The following ACSS1 variants were observed in gnomAD, a reference collection of about 807,000 sequenced individuals.
ACSS1 encodes acyl-CoA synthetase short chain family member 1.
Under a neutral mutation model 75.3 loss-of-function variants are expected in ACSS1, and 42 were observed. The observed-to-expected ratio is 0.56, with a 90% CI of 0.44 to 0.72. The LOEUF is 0.72. Ranked by LOEUF, ACSS1 falls within the 30% of genes least tolerant of loss-of-function variation. ACSS1 has a pLI of 0.00. For synonymous variants in ACSS1, 380 were observed against 376.8 expected (o/e 1.01, Z -0.10); for missense variants, 782 against 935.7 (o/e 0.84, Z 2.14).
At chr20:25,014,356 A>T (rs1262411161) in intron 8 of ACSS1, among the ~76,000 whole-genome samples, 1 of 152,182 alleles carries the variant, frequency 6.6e-6, no homozygotes, top group Non-Finnish European at 1.5e-5. Context: ...GGCAGAGCCC[A>T]CCCACTTGCA....
chr20:25,032,406 C>G (rs1453916985), intron 2 of ACSS1: 9 of 1,405,000 alleles, frequency 6.4e-6, no homozygotes, highest in East Asian at 2.7e-5. Context: ...TGGAAGCGAT[C>G]CCAAGGTTGT....
intron 6 of ACSS1, 118 bp from the exon 7 acceptor site, chr20:25,020,265 G>A: frequency 7.1e-7 from 1 of 1,414,220 alleles, no homozygotes; most frequent in Non-Finnish European, 9.7e-7. Flanking sequence ...ATGTCCATAT[G>A]AAAGGGATCC....
At chr20:25,056,354 T>G (rs1403940094) in intron 1 of ACSS1, among the ~76,000 whole-genome samples, 3 of 152,122 alleles carry the variant, frequency 2.0e-5, no homozygotes, top group African/African-American at 7.2e-5. Context: ...TTTTTCCCAC[T>G]AGTTCAAGGG....
chr20:25,039,734 T>C (rs1457405815), intron 2 of ACSS1, among the ~76,000 whole-genome samples: 4 of 152,256 alleles, frequency 2.6e-5, no homozygotes, highest in Admixed American at 1.3e-4. Context: ...GAAAGCCTTG[T>C]AGGACTAAAG....
chr20:25,048,021 G>A, intron 2 of ACSS1, 64 bp downstream of exon 2: 1 of 1,472,142 alleles, frequency 6.8e-7, no homozygotes, highest in Non-Finnish European at 9.4e-7. Flanking sequence ...CTGACAGCCA[G>A]ACTCAGCACA....
intron 3 of ACSS1, among the ~76,000 whole-genome samples, chr20:25,028,475 A>G (rs1211689977): frequency 6.6e-6 from 1 of 152,214 alleles, no homozygotes; most frequent in Non-Finnish European, 1.5e-5. Flanking sequence ...ATATATGGTC[A>G]AATTATTTTC....
intron 2 of ACSS1, among the ~76,000 whole-genome samples, chr20:25,034,759 G>A (rs987637439): frequency 6.6e-6 from 1 of 151,906 alleles, no homozygotes; most frequent in Admixed American, 6.6e-5. Context: ...GTAGAGACGG[G>A]GTTTCTCCAT....
intron 1 of ACSS1, among the ~76,000 whole-genome samples, chr20:25,057,142 A>T (rs1234470327): frequency 1.3e-5 from 2 of 152,050 alleles, no homozygotes; most frequent in East Asian, 3.9e-4. Flanking sequence ...GCCGAGAACG[A>T]GAACGGGGAG....
Position 25,013,704 on chromosome 20 carries a change from G to T in ACSS1, c.1453-42C>A, listed in dbSNP as rs776431370. 10 of 1,564,724 alleles carry T rather than the reference G, an allele frequency of 6.4e-6. No homozygotes were observed. The Middle Eastern group carries it at 6.0e-4, about 94-fold the overall frequency. ...TGCAAGTGAGACAGGGCAGGCTCTG[G>T]GTGAGAAGTGTGCCAAAAAATGACA... On this transcript the variant is annotated intron_variant, in intron 9 of 13. Transcript: ENST00000323482.
In ACSS1 at chr20:25,007,684, A is replaced by G; in HGVS notation, c.*78T>C. 4 of 1,559,296 alleles carry G rather than the reference A, an allele frequency of 2.6e-6. No individual in the cohort carries two copies. The South Asian group carries it at 4.9e-5, about 19-fold the overall frequency. The stretch of plus-strand genomic sequence containing the variant: ...GCTTCTGGGACGTAGGAAGACGCCA[A>G]CCTCAGGGGTACCTTCTGGGAAGGA... On this transcript the variant is annotated 3_prime_UTR_variant, in exon 14 of 14. Coordinates refer to ENST00000323482, the MANE Select transcript of ACSS1 (RefSeq NM_032501.4).
chr20:25,014,826 C>T (rs2088486931), intron 8 of ACSS1, among the ~76,000 whole-genome samples: 1 of 152,218 alleles, frequency 6.6e-6, no homozygotes, highest in South Asian at 2.1e-4. Flanking sequence ...CTGCTGCACA[C>T]CAGGCCTTGG....
rs377041859 is a variant in ACSS1 at position 25,044,559 on chromosome 20, G to C, written c.431+3526C>G. On this transcript the variant is annotated intron_variant, in intron 2 of 13. Coordinates refer to ENST00000323482, the MANE Select transcript of ACSS1 (RefSeq NM_032501.4). ...GCCCGGGAGGTCAAGGCTACAGTGA[G>C]TTGTGACAGTACCACTACACTCCAG... Among the ~76,000 whole-genome samples the C allele has an allele frequency of 4.6e-5, 7 of 152,180 alleles. No individual in the cohort carries two copies. The South Asian group carries it at 1.2e-3, about 27-fold the overall frequency.
In ACSS1 at chr20:25,007,119, A is replaced by AGTTCTCAAGGGAACTGTT; in HGVS notation, c.*625_*642dup. ...CAGGAAAAGATGCCGGAGGCTTGGA[A>AGTTCTCAAGGGAACTGTT]GTTCTCAAGGGAACTGTTTAGACAG... On this transcript the variant is annotated 3_prime_UTR_variant, in exon 14 of 14. Transcript: ENST00000323482. 7.1e-7 allele frequency: 1 copy of AGTTCTCAAGGGAACTGTT among 1,402,740 alleles called. No individual in the cohort carries two copies. Among genetic ancestry groups the AGTTCTCAAGGGAACTGTT allele is most frequent in the East Asian group, 2.6e-5 (1 of 38,316 alleles). 86.9% of individuals were successfully genotyped at this position (1,402,740 alleles called of 1,614,324 possible).
chr20:25,053,859 G>C (rs1426307528), intron 1 of ACSS1, among the ~76,000 whole-genome samples: 1 of 152,190 alleles, frequency 6.6e-6, no homozygotes, highest in African/African-American at 2.4e-5. Flanking sequence ...TAAAATTGGG[G>C]GTTTTAAAAA....
intron 12 of ACSS1, chr20:25,011,462 C>T (rs2088407493): frequency 6.6e-6 from 1 of 152,236 alleles, no homozygotes; most frequent in Non-Finnish European, 1.5e-5. Context: ...GACCCCCAGC[C>T]CAGAGATGTG....
At chr20:25,015,305 T>G (rs2088497228) in intron 7 of ACSS1, 75 bp from the exon 8 acceptor site, 1 of 1,345,100 alleles carries the variant, frequency 7.4e-7, no homozygotes, top group South Asian at 1.3e-5. Context: ...TTTTGTTTTT[T>G]GTTTTTTGTT....
chr20:25,031,807 A>G (rs2088829110), intron 2 of ACSS1, among the ~76,000 whole-genome samples: 1 of 152,144 alleles, frequency 6.6e-6, no homozygotes, highest in Admixed American at 6.5e-5. Flanking sequence ...TGGTTCCAAA[A>G]CTTCCGAAAA....
At position 25,022,961 on chromosome 20, in the gene ACSS1, G is replaced by A. The variant is rs41315096; in HGVS notation, c.939C>T (p.Leu313=). 1.1e-5 allele frequency: 18 copies of A among 1,613,574 alleles called. No individual in the cohort carries two copies. The African/African-American group carries it at 2.3e-4, about 20-fold the overall frequency. The stretch of plus-strand genomic sequence containing the variant: ...GTACCTTGTGAGTCAGGGCGGCATA[G>A]AGCAGGTAGCCTGCCTGGGTATGGA... ...GIVHTQAGYL[L]YAALTHKLVF... is the part of the protein sequence containing the mutation. Residue 313 remains leucine (L), a synonymous_variant, in exon 5 of 14, where the codon CTC becomes CTT. Coordinates refer to ENST00000323482, the MANE Select transcript of ACSS1 (RefSeq NM_032501.4).
chr20:25,053,280 G>T (rs1350913282), intron 1 of ACSS1, among the ~76,000 whole-genome samples: 7 of 148,992 alleles, frequency 4.7e-5, no homozygotes. Context: ...TGCCAGGCTG[G>T]TCTCAAACTC....
Sources: gnomAD v4.1 joint callset for allele counts (sites outside exome capture counted in the v4.1 genomes callset) on GRCh38, gnomAD v4.1.1 for gene constraint, MANE v1.5 for transcripts, NCBI Gene and HGNC (gene_info 2026-07-23, HGNC 2026-07-21) for gene names.